Variants in NUP35 observed in about 807,000 individuals in gnomAD.
NUP35 encodes the protein nucleoporin 35, also known as nucleoporin NUP35.
In NUP35, 25 loss-of-function variants were observed where a neutral mutation model predicts 41.5. The ratio of observed to expected loss-of-function variants is 0.60; its 90% CI spans 0.44 to 0.84. The LOEUF (loss-of-function observed/expected upper bound fraction) is 0.84. Among genes scored for constraint, NUP35 ranks in the 40% least tolerant of loss-of-function variants. The pLI is 0.00. For synonymous variants in NUP35, 149 were observed against 130.7 expected (o/e 1.14, Z -0.96); for missense variants, 396 against 396.6 (o/e 1.00, Z 0.01).
chr2:183,149,705 A>G (rs948741781), intron 4 of NUP35, among the ~76,000 whole-genome samples: 2 of 152,182 alleles, frequency 1.3e-5, no homozygotes, highest in Non-Finnish European at 2.9e-5. Flanking sequence ...TAAACATGTT[A>G]ACTAGATTAC....
rs34264626 is a variant in NUP35 at position 183,133,638 on chromosome 2, C to CT, written c.397+32dup. The stretch of plus-strand genomic sequence containing the variant: ...TCCTGGAACAGGTAAGTGATTCTTT[C>CT]TTTTTTTTTTTTTTTTTAAAAGACA... On this transcript the variant is annotated intron_variant, in intron 4 of 8. Transcript: ENST00000295119. The CT allele has an allele frequency of 0.014, 18,577 of 1,336,680 alleles. 1 individual carries two copies. The highest frequency in any genetic ancestry group is 0.018 in the South Asian group (1,227 of 69,160). The allele number at this position is 1,336,680 out of a possible 1,614,324, so 82.8% of individuals were successfully genotyped here.
intron 5 of NUP35, 126 bp downstream of exon 5, chr2:183,151,775 C>T: frequency 1.3e-6 from 1 of 774,394 alleles, no homozygotes; most frequent in Non-Finnish European, 2.0e-6. Flanking sequence ...CACCTAGGTT[C>T]TATGGTTAAC....
At chr2:183,148,248 A>G (rs1020574270) in intron 4 of NUP35, among the ~76,000 whole-genome samples, 2 of 152,234 alleles carry the variant, frequency 1.3e-5, no homozygotes, top group Admixed American at 6.5e-5. Context: ...TGCTATTGTG[A>G]ATAGTGCTGT....
At chr2:183,124,414 AATTAATTGGG>A (rs779189821), upstream of NUP35, 53 of 1,613,886 alleles carry the variant, frequency 3.3e-5, no homozygotes, top group Non-Finnish European at 4.3e-5. Flanking sequence ...CATTTTTGAA[AATTAATTGGG>A]AAGGTACTGG....
chr2:183,135,190 A>G (rs1188252658), intron 4 of NUP35, among the ~76,000 whole-genome samples: 1 of 152,202 alleles, frequency 6.6e-6, no homozygotes, highest in Non-Finnish European at 1.5e-5. Context: ...CATGTAATGT[A>G]ACATTCACAG....
intron 4 of NUP35, among the ~76,000 whole-genome samples, chr2:183,147,722 G>C (rs1233613383): frequency 6.6e-6 from 1 of 152,094 alleles, no homozygotes; most frequent in African/African-American, 2.4e-5. Flanking sequence ...GAAAAATGAT[G>C]TTGGTTATTT....
chr2:183,158,405 T>C lies in NUP35; in HGVS notation c.732T>C (p.Ile244=). 1 of 1,598,160 alleles carries C rather than the reference T, an allele frequency of 6.3e-7. No individual in the cohort carries two copies. Among genetic ancestry groups the C allele is most frequent in the Non-Finnish European group, 8.5e-7 (1 of 1,171,086 alleles). Residue 244 remains isoleucine, a synonymous_variant, in exon 7 of 9, where the codon ATT becomes ATC. Coordinates refer to ENST00000295119, the MANE Select transcript of NUP35 (RefSeq NM_138285.5). ...TCATGATTGGTGTAAAACCATGTATTGACAAAGTAAGTTATTGGTGATGTA... is the reference window on the plus strand; with the variant it reads ...TCATGATTGGTGTAAAACCATGTATCGACAAAGTAAGTTATTGGTGATGTA... The part of the protein sequence containing the change: ...ESIMIGVKPC[I]DKSVMESSDR...
intron 8 of NUP35, 171 bp downstream of exon 8, chr2:183,159,823 C>A: frequency 8.1e-6 from 4 of 494,462 alleles, no homozygotes; most frequent in South Asian, 8.4e-5. Flanking sequence ...AACATCTTGG[C>A]CAATTGGAAA....
intron 3 of NUP35, among the ~76,000 whole-genome samples, chr2:183,133,320 AGT>A (rs1559144512): frequency 8.4e-6 from 1 of 119,422 alleles, no homozygotes; most frequent in African/African-American, 4.0e-5. Flanking sequence ...TACAGAAGAT[AGT>A]CTTTTTTTTT....
intron 4 of NUP35, among the ~76,000 whole-genome samples, chr2:183,144,948 A>G (rs2705762): frequency 0.12 from 18,050 of 152,068 alleles, 1,274 homozygotes; most frequent in Non-Finnish European, 0.16. Flanking sequence ...GGTTGTCACA[A>G]TTCGAACCTT....
At chr2:183,157,569 A>G (rs1685713637) in intron 6 of NUP35, 56 bp downstream of exon 6, 3 of 1,190,014 alleles carry the variant, frequency 2.5e-6, no homozygotes, top group Middle Eastern at 3.9e-4. Flanking sequence ...TAAGTTGTGA[A>G]TTGAGAGAAA....
chr2:183,130,407 G>A lies in NUP35; in HGVS notation c.212-11G>A. ...AATCCCTTTTTTTTTTTTTTTTTTT[G>A]TACACTGTAGGTGGGTCACCACCAC... On this transcript the variant is annotated splice_polypyrimidine_tract_variant and intron_variant, in intron 2 of 8. Transcript: ENST00000295119. The A allele has an allele frequency of 1.1e-5, 5 of 449,330 alleles. No individual in the cohort carries two copies. The highest frequency in any genetic ancestry group is 7.2e-5 in the South Asian group (1 of 13,822). The allele number at this position is 449,330 out of a possible 1,614,324, so 27.8% of individuals were successfully genotyped here. A position where few individuals can be genotyped will look rare whatever the true frequency, so the allele number is the denominator to read the frequency against.
intron 5 of NUP35, among the ~76,000 whole-genome samples, chr2:183,156,384 G>A (rs192100558): frequency 5.5e-4 from 84 of 152,114 alleles, no homozygotes; most frequent in Admixed American, 1.1e-3. Context: ...TCTGTCACCC[G>A]GCTGGAGTGC....
chr2:183,151,789 T>C, intron 5 of NUP35, 140 bp downstream of exon 5: 1 of 673,160 alleles, frequency 1.5e-6, no homozygotes, highest in South Asian at 2.2e-5. Context: ...GGTTAACAGT[T>C]TGCTACATTT....
At chr2:183,153,080 A>C (rs561993614) in intron 5 of NUP35, among the ~76,000 whole-genome samples, 59 of 152,114 alleles carry the variant, frequency 3.9e-4, no homozygotes, top group Non-Finnish European at 7.6e-4. Flanking sequence ...CCCCTGATAA[A>C]CCCATCAGAT....
intron 1 of NUP35, among the ~76,000 whole-genome samples, chr2:183,125,554 CAAT>C (rs1210951973): frequency 6.6e-6 from 1 of 152,174 alleles, no homozygotes; most frequent in African/African-American, 2.4e-5. Flanking sequence ...TGCATAATGT[CAAT>C]AATGCAGATA....
At chr2:183,134,832 G>T (rs1478638568) in intron 4 of NUP35, among the ~76,000 whole-genome samples, 1 of 151,186 alleles carries the variant, frequency 6.6e-6, no homozygotes, top group Non-Finnish European at 1.5e-5. Flanking sequence ...CACCGTCTTG[G>T]CCAGGCTGGT....
chr2:183,128,425 G>A lies in NUP35; in HGVS notation c.179G>A (p.Gly60Glu). The change falls in exon 2 of 9, where the codon GGA becomes GAA. Residue 60 changes from glycine to glutamate, a missense_variant. Transcript: ENST00000295119. Reference protein sequence around the residue: ...QPRSISGPSVGVMEMRSPLLA... With the variant: ...QPRSISGPSVEVMEMRSPLLA... ...CGATCAATTAGTGGCCCTTCAGTAG[G>A]AGTAATGGAAATGAGATCACCTTTA... is the stretch of plus-strand genomic sequence containing the variant. 1.2e-6 allele frequency: 2 copies of A among 1,613,652 alleles called. No homozygotes were observed. The highest frequency in any genetic ancestry group is 1.7e-6 in the Non-Finnish European group (2 of 1,179,816).
Position 183,159,523 on chromosome 2 carries a change from A to G in NUP35, c.774A>G (p.Ser258=), listed in dbSNP as rs763938753. Residue 258 remains serine, a synonymous_variant, in exon 8 of 9, where the codon TCA becomes TCG. Coordinates refer to ENST00000295119, the MANE Select transcript of NUP35 (RefSeq NM_138285.5). ...VMESSDRCAL[S]SPSLAFTPPI... ...AAAGCAGTGACAGATGTGCTTTATCATCTCCATCTTTAGCCTTTACACCAC... is the reference window on the plus strand; with the variant it reads ...AAAGCAGTGACAGATGTGCTTTATCGTCTCCATCTTTAGCCTTTACACCAC... 6.2e-6 allele frequency: 10 copies of G among 1,613,680 alleles called. No individual in the cohort carries two copies. Among genetic ancestry groups the G allele is most frequent in the Non-Finnish European group, 8.5e-6 (10 of 1,179,790 alleles).
Sources: gnomAD v4.1 joint callset for allele counts (sites outside exome capture counted in the v4.1 genomes callset) on GRCh38, gnomAD v4.1.1 for gene constraint, MANE v1.5 for transcripts, NCBI Gene and HGNC (gene_info 2026-07-23, HGNC 2026-07-21) for gene names.